The following UBE2U variants were observed in gnomAD, a reference collection of about 807,000 sequenced individuals.
The protein encoded by UBE2U is ubiquitin-conjugating enzyme E2 U.
In UBE2U, 39 loss-of-function variants were observed where a neutral mutation model predicts 41.2. The observed-to-expected ratio is 0.95, with a 90% CI of 0.73 to 1.24. UBE2U has a LOEUF of 1.24. Ranked by LOEUF, UBE2U falls within the 50% of genes most tolerant of loss-of-function variation. UBE2U has a pLI of 0.00. For missense variants in UBE2U, 336 were observed against 363.1 expected (o/e 0.93, Z 0.61); for synonymous variants, 107 against 117.8 (o/e 0.91, Z 0.60).
intron 8 of UBE2U, among the ~76,000 whole-genome samples, chr1:64,243,936 A>AT (rs901477508): frequency 9.9e-5 from 15 of 151,946 alleles, no homozygotes; most frequent in Admixed American, 9.8e-4. Flanking sequence ...AAGGTCACTG[A>AT]TTTTTTTTGT....
rs61539030 is a variant in UBE2U at position 64,206,459 on chromosome 1, G to C, written c.149-305G>C. On this transcript the variant is annotated intron_variant, in intron 2 of 9. Transcript: ENST00000371077. ...CAGCAAAGACTTGTAGACAAGAAAGGGTGTAGCAGATTTTGGGAACATGAG... is the reference window on the plus strand; with the variant it reads ...CAGCAAAGACTTGTAGACAAGAAAGCGTGTAGCAGATTTTGGGAACATGAG... Among the ~76,000 whole-genome samples the C allele has an allele frequency of 2.6e-5, 4 of 151,468 alleles. No individual in the cohort carries two copies. The East Asian group carries it at 7.7e-4, about 29-fold the overall frequency.
chr1:64,204,159 A>G (rs1651145729), intron 1 of UBE2U, 43 bp downstream of exon 1: 1 of 1,576,094 alleles, frequency 6.3e-7, no homozygotes, highest in Non-Finnish European at 8.7e-7. Flanking sequence ...ATTGTGCAAT[A>G]ATTTTTAAGA....
At chr1:64,206,605 T>A (rs1054020664) in intron 2 of UBE2U, among the ~76,000 whole-genome samples, 159 bp from the exon 3 acceptor site, 1 of 152,018 alleles carries the variant, frequency 6.6e-6, no homozygotes, top group African/African-American at 2.4e-5. Context: ...GAAGTGTCTG[T>A]TATACTATCC....
intron 6 of UBE2U, among the ~76,000 whole-genome samples, chr1:64,230,888 A>G (rs1361178863): frequency 6.6e-6 from 1 of 152,200 alleles, no homozygotes; most frequent in Non-Finnish European, 1.5e-5. Flanking sequence ...GACGTCAATG[A>G]TAATACTCAG....
chr1:64,247,070 T>C (rs1033554780), intron 8 of UBE2U, among the ~76,000 whole-genome samples: 4 of 146,714 alleles, frequency 2.7e-5, no homozygotes, highest in African/African-American at 1.0e-4. Context: ...TTTGTGAAAT[T>C]GCCCTTGAAG....
At chr1:64,215,401 CTT>C (rs1651936426) in intron 5 of UBE2U, 2 of 153,614 alleles carry the variant, frequency 1.3e-5, no homozygotes, top group Admixed American at 1.3e-4. Context: ...TACTGTAACT[CTT>C]TGTGAAACCA....
chr1:64,242,251 A>G (rs1644847375), intron 8 of UBE2U, among the ~76,000 whole-genome samples: 1 of 152,170 alleles, frequency 6.6e-6, no homozygotes, highest in Admixed American at 6.6e-5. Flanking sequence ...CTCTTAGACC[A>G]CATTAAGGAA....
intron 6 of UBE2U, 126 bp downstream of exon 6, chr1:64,221,033 T>C (rs1652420278): frequency 3.2e-6 from 2 of 629,916 alleles, no homozygotes; most frequent in Non-Finnish European, 5.1e-6. Flanking sequence ...TAATATCTTT[T>C]TAAAATATTG....
chr1:64,254,812 T>A (rs570188755), intron 8 of UBE2U, among the ~76,000 whole-genome samples: 1 of 151,992 alleles, frequency 6.6e-6, no homozygotes, highest in Non-Finnish European at 1.5e-5. Context: ...AATGCCCACA[T>A]CAAAAAGCTA....
At chr1:64,262,964 T>C (rs939632051) in intron 9 of UBE2U, among the ~76,000 whole-genome samples, 4 of 152,180 alleles carry the variant, frequency 2.6e-5, no homozygotes, top group African/African-American at 9.7e-5. Context: ...ACAGTAGCTA[T>C]CAATGAGTAA....
intron 9 of UBE2U, among the ~76,000 whole-genome samples, chr1:64,261,091 G>A (rs907155073): frequency 2.6e-5 from 4 of 152,158 alleles, no homozygotes; most frequent in Non-Finnish European, 2.9e-5. Context: ...ATGCTGAGTT[G>A]TTTTTCGTGC....
intron 6 of UBE2U, among the ~76,000 whole-genome samples, chr1:64,223,817 G>A (rs1652663372): frequency 6.6e-6 from 1 of 152,082 alleles, no homozygotes; most frequent in African/African-American, 2.4e-5. Context: ...GGGATTCACT[G>A]ATAGACTATG....
At chr1:64,222,505 G>A (rs1179686665) in intron 6 of UBE2U, among the ~76,000 whole-genome samples, 1 of 152,164 alleles carries the variant, frequency 6.6e-6, no homozygotes, top group East Asian at 1.9e-4. Context: ...CTGATTTGTG[G>A]TATTCACCTT....
chr1:64,262,299 G>GCA (rs1452223241), intron 9 of UBE2U, among the ~76,000 whole-genome samples: 1 of 152,142 alleles, frequency 6.6e-6, no homozygotes, highest in Admixed American at 6.5e-5. Flanking sequence ...TCACAAATTA[G>GCA]CACACATTGA....
chr1:64,263,046 A>AC (rs34312819), intron 9 of UBE2U, among the ~76,000 whole-genome samples: 1 of 151,814 alleles, frequency 6.6e-6, no homozygotes, highest in Middle Eastern at 3.4e-3. Context: ...AAAGGTGAAA[A>AC]CCCATGATAA....
intron 6 of UBE2U, among the ~76,000 whole-genome samples, chr1:64,224,665 G>A (rs1293964420): frequency 6.6e-6 from 1 of 151,666 alleles, no homozygotes; most frequent in African/African-American, 2.4e-5. Flanking sequence ...GGAGGTTGCA[G>A]TGAGCCGAGA....
chr1:64,246,508 T>G (rs1302933764), intron 8 of UBE2U, among the ~76,000 whole-genome samples: 1 of 152,192 alleles, frequency 6.6e-6, no homozygotes, highest in African/African-American at 2.4e-5. Flanking sequence ...TTCCCTAAAA[T>G]TAAACCTTGA....
At position 64,235,881 on chromosome 1, in the gene UBE2U, C is replaced by T. The variant is rs148858498; in HGVS notation, c.595+3232C>T. ...ACATTATTAAGCACCTAATATATGT[C>T]GTGCACGGTGGTATATCAACCCTAC... On this transcript the variant is annotated intron_variant, in intron 7 of 9. Coordinates refer to ENST00000371077, the MANE Select transcript of UBE2U (RefSeq NM_001366232.2). 3.4e-3 allele frequency among the ~76,000 whole-genome samples: 519 copies of T among 152,176 alleles called. 2 individuals are homozygous for T. Among genetic ancestry groups the T allele is most frequent in the Middle Eastern group, 0.014 (4 of 292 alleles).
intron 8 of UBE2U, among the ~76,000 whole-genome samples, chr1:64,243,876 T>C (rs1249999218): frequency 6.6e-6 from 1 of 152,144 alleles, no homozygotes; most frequent in African/African-American, 2.4e-5. Flanking sequence ...AGCCAGACTG[T>C]CTGGATTTGA....
Sources: allele counts gnomAD v4.1 joint callset (sites outside exome capture counted in the v4.1 genomes callset), GRCh38; gene constraint gnomAD v4.1.1; transcripts MANE v1.5; gene names NCBI Gene and HGNC (gene_info 2026-07-23, HGNC 2026-07-21).